The following MACF1 variants were observed in gnomAD, a reference collection of about 807,000 sequenced individuals.
MACF1 encodes microtubule actin crosslinking factor 1.
Under a neutral mutation model 854.8 loss-of-function variants are expected in MACF1, and 193 were observed. The observed-to-expected ratio is 0.23, with a 90% CI of 0.20 to 0.25. The LOEUF is 0.25. Ranked by LOEUF, MACF1 falls within the 10% of genes least tolerant of loss-of-function variation. MACF1 has a pLI of 1.00. For synonymous variants in MACF1, 3,185 were observed against 3,226.7 expected (o/e 0.99, Z 0.44); for missense variants, 7,722 against 8,929.1 (o/e 0.86, Z 5.45).
intron 60 of MACF1, 54 bp from the exon 61 acceptor site, chr1:39,423,974 A>G (rs1300025138): frequency 4.9e-6 from 7 of 1,432,750 alleles, no homozygotes; most frequent in East Asian, 2.3e-5. Context: ...CTTTCTTCCT[A>G]GTTCAGATTT....
At position 39,438,012 on chromosome 1, in the gene MACF1, CTTGAT is replaced by C; in HGVS notation, c.18220+5_18220+9del. On this transcript the variant is annotated splice_donor_5th_base_variant and intron_variant, in intron 71 of 100. Transcript: ENST00000564288. ...GACAAGGATCTGGCTGCAAAAGGTGCTTGATGATTGTCATTATTTTTAAAAATCAA... is the reference window on the plus strand; with the variant it reads ...GACAAGGATCTGGCTGCAAAAGGTGCGATTGTCATTATTTTTAAAAATCAA... 6.2e-7 allele frequency: 1 copy of C among 1,611,232 alleles called. No homozygotes were observed. Among genetic ancestry groups the C allele is most frequent in the Non-Finnish European group, 8.5e-7 (1 of 1,178,170 alleles).
chr1:39,429,910 C>T lies in MACF1; in HGVS notation c.16972C>T (p.Leu5658Phe), dbSNP rs1314857853. The stretch of plus-strand genomic sequence containing the variant: ...CATCACAGTTACTAGCTCCAAGGCC[C>T]TCAGAACTTTAGAGCAAGCCCGGCA... ...ADITVTSSKA[L>F]RTLEQARQLA... The change falls in exon 65 of 101, where the codon CTC becomes TTC. Residue 5658 changes from leucine to phenylalanine, a missense_variant. By Grantham distance (22) the Leu-to-Phe change is conservative. Around this residue, in one of 15 missense-constraint regions of MACF1, gnomAD observed 2,807 missense variants for 3,235.8 expected, o/e 0.87. Coordinates refer to ENST00000564288, the MANE Select transcript of MACF1 (RefSeq NM_001394062.1). 1.2e-6 allele frequency: 2 copies of T among 1,614,002 alleles called. No individual in the cohort carries two copies. Among genetic ancestry groups the T allele is most frequent in the African/African-American group, 1.3e-5 (1 of 74,904 alleles).
intron 2 of MACF1, among the ~76,000 whole-genome samples, chr1:39,123,918 G>A (rs1049928342): frequency 1.3e-5 from 2 of 151,716 alleles, no homozygotes; most frequent in Admixed American, 1.3e-4. Context: ...AGTGGAGATG[G>A]GGTTTCACTG....
In MACF1 at chr1:39,434,418, A is replaced by C. The variant is rs750579378; in HGVS notation, c.17570A>C (p.Lys5857Thr). The change falls in exon 69 of 101, where the codon AAG becomes ACG. Residue 5857 changes from lysine to threonine, a missense_variant. Transcript: ENST00000564288. ...GEEQKTVLQE[K>T]TESLIQQYEA... The stretch of plus-strand genomic sequence containing the variant: ...TTTTTTTTTTTGCTCACATAGGAAA[A>C]GACAGAGTCTCTAATACAGCAATAT... 2.6e-6 allele frequency: 4 copies of C among 1,566,250 alleles called. No homozygotes were observed. The highest frequency in any genetic ancestry group is 3.5e-6 in the Non-Finnish European group (4 of 1,155,166).
intron 1 of MACF1, among the ~76,000 whole-genome samples, chr1:39,227,696 C>T (rs1644731918): frequency 6.6e-6 from 1 of 152,184 alleles, no homozygotes; most frequent in South Asian, 2.1e-4. Flanking sequence ...CATGAAAGGT[C>T]TTGATTTGGC....
chr1:39,405,121 C>T (rs3768301), intron 58 of MACF1, among the ~76,000 whole-genome samples: 24,298 of 152,162 alleles, frequency 0.16, 2,433 homozygotes, highest in Middle Eastern at 0.22. Flanking sequence ...TTCACGAGTA[C>T]ATGAGAGCTC....
intron 2 of MACF1, among the ~76,000 whole-genome samples, chr1:39,163,359 AAG>A (rs1491504491): frequency 5.5e-5 from 8 of 146,366 alleles, no homozygotes; most frequent in Non-Finnish European, 9.1e-5. Context: ...AAAAAAAAAA[AAG>A]AAAAGAAAAG....
chr1:39,117,345 T>C (rs1642572863), intron 2 of MACF1, among the ~76,000 whole-genome samples: 1 of 152,218 alleles, frequency 6.6e-6, no homozygotes, highest in African/African-American at 2.4e-5. Context: ...GTTTGTTTAT[T>C]GCCATGTTCG....
In MACF1 at chr1:39,135,257, A is replaced by T. The variant is rs562214980; in HGVS notation, c.220+50819A>T. On this transcript the variant is annotated intron_variant, in intron 2 of 93. Coordinates refer to the MACF1 transcript ENST00000361689. ...TTTTTGACATCTTATTTAATTAATTAATTTATTTAGACAGCGTCTTGCTCT... is the reference window on the plus strand; with the variant it reads ...TTTTTGACATCTTATTTAATTAATTTATTTATTTAGACAGCGTCTTGCTCT... 2.2e-3 allele frequency among the ~76,000 whole-genome samples: 339 copies of T among 152,054 alleles called. 8 individuals are homozygous for T. The highest frequency in any genetic ancestry group is 2.7e-3 in the Non-Finnish European group (183 of 67,974).
intron 58 of MACF1, among the ~76,000 whole-genome samples, chr1:39,403,007 G>A (rs1642534523): frequency 6.6e-6 from 1 of 151,526 alleles, no homozygotes; most frequent in Non-Finnish European, 1.5e-5. Flanking sequence ...CTGTTCTATG[G>A]GGAAAGGCTT....
chr1:39,085,015 T>C (rs551523863), intron 2 of MACF1, among the ~76,000 whole-genome samples: 1 of 152,332 alleles, frequency 6.6e-6, no homozygotes, highest in South Asian at 2.1e-4. Flanking sequence ...TCACACGACG[T>C]GAAGGCTGGG....
At position 39,448,165 on chromosome 1, in the gene MACF1, A is replaced by C. The variant is rs184004185; in HGVS notation, c.20088+13A>C. ...TTCTAAGCATAAGGTAAAGCAGTTA[A>C]TTGCTCTTAGGTCCCAAGCCATAGT... On this transcript the variant is annotated intron_variant, in intron 83 of 100. Coordinates refer to ENST00000564288, the MANE Select transcript of MACF1 (RefSeq NM_001394062.1). 12 of 1,610,930 alleles carry C rather than the reference A, an allele frequency of 7.4e-6. No individual in the cohort carries two copies. The East Asian group carries it at 2.7e-4, about 36-fold the overall frequency.
rs749699991 is a variant in MACF1 at position 39,430,094 on chromosome 1, GAAA to G, written c.17130+31_17130+33del. 2.5e-6 allele frequency: 4 copies of G among 1,581,242 alleles called. No homozygotes were observed. The Admixed American group carries it at 7.8e-5, about 31-fold the overall frequency. On this transcript the variant is annotated intron_variant, in intron 65 of 100. Transcript: ENST00000564288. ...GTGAGCTGTTACTTTACCATAAAAA[GAAA>G]AAAAGGCTTCCTCTTTGTCAGAATC...
Position 39,393,181 on chromosome 1 carries a change from TAAAAA to T in MACF1, c.15816+4535_15816+4539del, listed in dbSNP as rs1192045357. 2.5e-4 allele frequency among the ~76,000 whole-genome samples: 23 copies of T among 90,256 alleles called. 1 individual carries two copies. Among genetic ancestry groups the T allele is most frequent in the African/African-American group, 9.8e-4 (20 of 20,438 alleles). 59.2% of individuals were successfully genotyped at this position (90,256 alleles called of 152,430 possible). A position where few individuals can be genotyped will look rare whatever the true frequency, so the allele number is the denominator to read the frequency against. On this transcript the variant is annotated intron_variant, in intron 58 of 100. Transcript: ENST00000564288. Reference sequence around the variant, plus strand: ...CCTAGAGTGACCTTCCTGGGAAGGGTAAAAAAAAAAAAAAAATATATATATATATA... The same window carrying T: ...CCTAGAGTGACCTTCCTGGGAAGGGTAAAAAAAAAAATATATATATATATA...
rs756796441 is a variant in MACF1 at position 39,387,854 on chromosome 1, A to G, written c.15012A>G (p.Ser5004=). The G allele has an allele frequency of 8.1e-6, 13 of 1,613,984 alleles. No individual in the cohort carries two copies. Among genetic ancestry groups the G allele is most frequent in the Middle Eastern group, 3.3e-4 (2 of 6,084 alleles). Residue 5004 remains serine (S), a synonymous_variant, in exon 58 of 101, where the codon TCA becomes TCG. Transcript: ENST00000564288. ...AAGAGCTGCAGGCCAAAACAGGGTCACTCGAAGAAATGACTCAGAGGCTCA... is the reference window on the plus strand; with the variant it reads ...AAGAGCTGCAGGCCAAAACAGGGTCGCTCGAAGAAATGACTCAGAGGCTCA... ...VTEELQAKTG[S]LEEMTQRLRE...
At chr1:39,281,346 T>TAC (rs1645540861) in intron 6 of MACF1, among the ~76,000 whole-genome samples, 1 of 152,212 alleles carries the variant, frequency 6.6e-6, no homozygotes. Flanking sequence ...GTATGCCTTG[T>TAC]ACATATATAT....
intron 88 of MACF1, among the ~76,000 whole-genome samples, chr1:39,454,684 C>A (rs1014758846): frequency 6.6e-6 from 1 of 152,026 alleles, no homozygotes; most frequent in Non-Finnish European, 1.5e-5. Flanking sequence ...TCTGTAATCC[C>A]AGTTACTTGG....
intron 58 of MACF1, chr1:39,412,687 A>G: frequency 6.2e-7 from 1 of 1,613,964 alleles, no homozygotes; most frequent in Non-Finnish European, 8.5e-7. Flanking sequence ...ATTCCTAAAT[A>G]TTTTTCCAGA....
chr1:39,447,421 T>C lies in MACF1; in HGVS notation c.19606-11T>C. 1 of 1,613,666 alleles carries C rather than the reference T, an allele frequency of 6.2e-7. No individual in the cohort carries two copies. The highest frequency in any genetic ancestry group is 1.6e-4 in the Middle Eastern group (1 of 6,062). The stretch of plus-strand genomic sequence containing the variant: ...TTCTTTCTGTGTGTGTGTGTTTTAC[T>C]TGAAATTCAGTCAAAGCTGGAAGAG... On this transcript the variant is annotated splice_polypyrimidine_tract_variant and intron_variant, in intron 80 of 100. Coordinates refer to ENST00000564288, the MANE Select transcript of MACF1 (RefSeq NM_001394062.1).
Sources: allele counts gnomAD v4.1 joint callset (sites outside exome capture counted in the v4.1 genomes callset), GRCh38; gene constraint gnomAD v4.1.1; regional missense constraint gnomAD v4.1.1; transcripts MANE v1.5; gene names NCBI Gene and HGNC (gene_info 2026-07-23, HGNC 2026-07-21).